FFAR4: variants seen among roughly 807,000 people sequenced by gnomAD.
The protein encoded by FFAR4 is free fatty acid receptor 4, also known as G-protein coupled receptor 120.
In FFAR4, 19 loss-of-function variants were observed where a neutral mutation model predicts 27.0. The observed-to-expected ratio is 0.70, with a 90% CI of 0.49 to 1.03. FFAR4 has a LOEUF of 1.03. Ranked by LOEUF, FFAR4 falls within the 50% of genes least tolerant of loss-of-function variation. FFAR4 has a pLI of 0.00. For missense variants in FFAR4, 476 were observed against 479.0 expected (o/e 0.99, Z 0.06); for synonymous variants, 254 against 215.6 (o/e 1.18, Z -1.56).
Position 93,587,860 on chromosome 10 carries a change from T to C in FFAR4, c.*251T>C. 1 of 378,396 alleles carries C rather than the reference T, an allele frequency of 2.6e-6. No homozygotes were observed. Among genetic ancestry groups the C allele is most frequent in the South Asian group, 3.0e-5 (1 of 33,076 alleles). The allele number at this position is 378,396 out of a possible 1,614,324, so 23.4% of individuals were successfully genotyped here. On this transcript the variant is annotated 3_prime_UTR_variant, in exon 3 of 3. Coordinates refer to ENST00000371481, the MANE Select transcript of FFAR4 (RefSeq NM_001195755.2). ...CAGCAGTTTGGGAGGCTGAGGTGGG[T>C]GGATCACCTGAGGTCAGGAGTTCGA...
chr10:93,583,088 C>G (rs2058207768), intron 2 of FFAR4, among the ~76,000 whole-genome samples: 1 of 151,872 alleles, frequency 6.6e-6, no homozygotes, highest in Non-Finnish European at 1.5e-5. Context: ...CAGATCCAAA[C>G]CATATCCGGG....
intron 1 of FFAR4, among the ~76,000 whole-genome samples, chr10:93,567,942 G>C (rs1231259163): frequency 6.6e-6 from 1 of 152,180 alleles, no homozygotes; most frequent in Non-Finnish European, 1.5e-5. Context: ...GATTACACTA[G>C]ACCTTCGAGG....
intron 1 of FFAR4, among the ~76,000 whole-genome samples, chr10:93,568,406 C>T (rs1409474461): frequency 1.3e-5 from 2 of 152,186 alleles, no homozygotes; most frequent in Admixed American, 6.5e-5. Context: ...ACTGGTTTTC[C>T]GGCCTGGAAC....
intron 1 of FFAR4, among the ~76,000 whole-genome samples, chr10:93,568,721 T>G (rs756582082): frequency 1.1e-4 from 16 of 152,292 alleles, no homozygotes; most frequent in African/African-American, 3.8e-4. Flanking sequence ...GGATGGAGTC[T>G]GCCTCCTGTA....
At chr10:93,587,154 C>T (rs1226419435) in intron 2 of FFAR4, 66 bp from the exon 3 acceptor site, 11 of 1,442,748 alleles carry the variant, frequency 7.6e-6, no homozygotes, top group Non-Finnish European at 1.0e-5. Context: ...CTCTTGGGCC[C>T]CTAACTCAAA....
intron 1 of FFAR4, among the ~76,000 whole-genome samples, chr10:93,575,770 G>C (rs1292019100): frequency 6.6e-6 from 1 of 152,206 alleles, no homozygotes; most frequent in East Asian, 1.9e-4. Flanking sequence ...AGGCTCGAAA[G>C]CCCTTTGCAT....
intron 2 of FFAR4, among the ~76,000 whole-genome samples, chr10:93,579,681 A>C (rs1052749891): frequency 6.6e-6 from 1 of 152,222 alleles, no homozygotes; most frequent in African/African-American, 2.4e-5. Context: ...AGCCTGGCTC[A>C]TTCATTGTAG....
intron 2 of FFAR4, among the ~76,000 whole-genome samples, chr10:93,583,174 G>A (rs1054892167): frequency 5.9e-5 from 9 of 151,370 alleles, no homozygotes; most frequent in Non-Finnish European, 8.8e-5. Flanking sequence ...AGGCCAAGGC[G>A]GGTGGATCAC....
In FFAR4 at chr10:93,590,017, T is replaced by C. The variant is rs2058253186; in HGVS notation, c.*2408T>C. 6.6e-6 allele frequency: 1 copy of C among 152,166 alleles called. No individual in the cohort carries two copies. Among genetic ancestry groups the C allele is most frequent in the African/African-American group, 2.4e-5 (1 of 41,432 alleles). The allele number at this position is 152,166 out of a possible 1,614,324, so 9.4% of individuals were successfully genotyped here. A position where few individuals can be genotyped will look rare whatever the true frequency, so the allele number is the denominator to read the frequency against. Reference sequence around the variant, plus strand: ...AAGCTCGAAGACAAACGAACAGAGATGTTTTGCTCACTTTAGTTAATAGAT... The same window carrying C: ...AAGCTCGAAGACAAACGAACAGAGACGTTTTGCTCACTTTAGTTAATAGAT... On this transcript the variant is annotated 3_prime_UTR_variant, in exon 3 of 3. Transcript: ENST00000371481.
intron 2 of FFAR4, 51 bp from the exon 3 acceptor site, chr10:93,587,169 C>G: frequency 6.5e-7 from 1 of 1,539,454 alleles, no homozygotes; most frequent in Non-Finnish European, 8.8e-7. Context: ...CTCAAAATCC[C>G]CAACAACCCT....
chr10:93,571,380 A>G (rs931776148), intron 1 of FFAR4, among the ~76,000 whole-genome samples: 2 of 152,178 alleles, frequency 1.3e-5, no homozygotes, highest in Non-Finnish European at 2.9e-5. Context: ...AAGCACACAG[A>G]TGGTCCTAGA....
chr10:93,567,398 A>C, intron 1 of FFAR4, 111 bp downstream of exon 1: 1 of 933,336 alleles, frequency 1.1e-6, no homozygotes, highest in South Asian at 1.7e-5. Flanking sequence ...CATTTATTGC[A>C]CTTAATCGTT....
chr10:93,584,407 A>T (rs2058215848), intron 2 of FFAR4, among the ~76,000 whole-genome samples: 1 of 152,224 alleles, frequency 6.6e-6, no homozygotes, highest in Non-Finnish European at 1.5e-5. Context: ...GTGACCTTCA[A>T]CAAGTTTCTT....
rs780496501 is a variant in FFAR4, at chr10:93,587,258, G to T, written c.735G>T (p.Leu245=). Residue 245 remains leucine (L), a synonymous_variant, in exon 3 of 3, where the codon CTG becomes CTT. Transcript: ENST00000371481. The stretch of plus-strand genomic sequence containing the variant: ...CAAGGAAGAGGCTCACGGTAAGCCT[G>T]GCCTACTCGGAGAGCCACCAGATCC... ...KASRKRLTVS[L]AYSESHQIRV... The T allele has an allele frequency of 4.0e-5, 65 of 1,613,936 alleles. No homozygotes were observed. Among genetic ancestry groups the T allele is most frequent in the Non-Finnish European group, 5.5e-5 (65 of 1,179,998 alleles).
intron 1 of FFAR4, among the ~76,000 whole-genome samples, chr10:93,570,344 G>T (rs2058124896): frequency 6.7e-6 from 1 of 149,576 alleles, no homozygotes; most frequent in Admixed American, 6.7e-5. Flanking sequence ...AAGAATGAGA[G>T]ACAGAAAAAA....
chr10:93,583,246 C>CAAAAAAAAAA (rs56030960), intron 2 of FFAR4, among the ~76,000 whole-genome samples: 2 of 102,248 alleles, frequency 2.0e-5, no homozygotes, highest in Non-Finnish European at 4.2e-5. Flanking sequence ...ACTAAAAATA[C>CAAAAAAAAAA]AAAAAAAAAA....
intron 2 of FFAR4, among the ~76,000 whole-genome samples, chr10:93,579,416 T>G (rs1223048267): frequency 1.3e-5 from 2 of 152,118 alleles, no homozygotes; most frequent in Non-Finnish European, 2.9e-5. Context: ...TGCCACTTGT[T>G]CTCCTTGATC....
intron 1 of FFAR4, 27 bp downstream of exon 1, chr10:93,567,314 C>T (rs1287257094): frequency 1.9e-6 from 3 of 1,587,486 alleles, no homozygotes; most frequent in Non-Finnish European, 1.7e-6. Context: ...GTGTGCCGGG[C>T]AGGTGTCCTG....
In FFAR4 at chr10:93,589,751, C is replaced by G. The variant is rs1308607425; in HGVS notation, c.*2142C>G. The G allele has an allele frequency of 6.6e-6, 1 of 152,068 alleles. No homozygotes were observed. Among genetic ancestry groups the G allele is most frequent in the Non-Finnish European group, 1.5e-5 (1 of 68,024 alleles). 9.4% of individuals were successfully genotyped at this position (152,068 alleles called of 1,614,324 possible). A position where few individuals can be genotyped will look rare whatever the true frequency, so the allele number is the denominator to read the frequency against. On this transcript the variant is annotated 3_prime_UTR_variant, in exon 3 of 3. Coordinates refer to ENST00000371481, the MANE Select transcript of FFAR4 (RefSeq NM_001195755.2). ...TGGAGATATAAATGGTGTTTATAGA[C>G]CTATGGTTTTATAATACATCCCTTG...
Sources: allele counts gnomAD v4.1 joint callset (sites outside exome capture counted in the v4.1 genomes callset), GRCh38; gene constraint gnomAD v4.1.1; transcripts MANE v1.5; gene names NCBI Gene and HGNC (gene_info 2026-07-23, HGNC 2026-07-21).